The following PDE1C variants were observed in gnomAD, a reference collection of about 807,000 sequenced individuals.
PDE1C encodes dual specificity calcium/calmodulin-dependent 3',5'-cyclic nucleotide phosphodiesterase 1C.
PDE1C carries 62 observed loss-of-function variants against 93.1 expected under a neutral mutation model. That is an observed-to-expected ratio of 0.67 (90% CI 0.54 to 0.82). The LOEUF (loss-of-function observed/expected upper bound fraction) is 0.82, where lower values mean the gene tolerates loss of function less well. PDE1C is among the 40% of genes least tolerant of loss of function. The probability of loss-of-function intolerance (pLI) is 0.00; values close to 1 mark genes in which losing one functional copy is unlikely to be tolerated. For missense variants in PDE1C, 742 were observed against 884.6 expected, an observed-to-expected ratio of 0.84 and a Z score of 2.04; for synonymous variants, 325 against 310.1, an observed-to-expected ratio of 1.05 and a Z score of -0.50.
intron 1 of PDE1C, among the ~76,000 whole-genome samples, chr7:32,397,014 G>A (rs889253192): frequency 4.3e-4 from 66 of 152,038 alleles, no homozygotes; most frequent in African/African-American, 1.5e-3. Context: ...ATTAAAAAAC[G>A]AAACCAAATA....
At chr7:31,983,799 T>C (rs892163662) in intron 2 of PDE1C, among the ~76,000 whole-genome samples, 2 of 152,138 alleles carry the variant, frequency 1.3e-5, no homozygotes, top group Non-Finnish European at 2.9e-5. Context: ...ACTTCACTTA[T>C]TTGTAAAACC....
chr7:32,038,998 G>A (rs1269375726), intron 2 of PDE1C, among the ~76,000 whole-genome samples: 1 of 152,158 alleles, frequency 6.6e-6, no homozygotes, highest in Non-Finnish European at 1.5e-5. Flanking sequence ...ACAGGTGAAA[G>A]TATGAAGTTA....
intron 3 of PDE1C, among the ~76,000 whole-genome samples, chr7:32,114,424 G>C (rs1563324511): frequency 6.6e-6 from 1 of 152,152 alleles, no homozygotes; most frequent in African/African-American, 2.4e-5. Flanking sequence ...GCCATATGCA[G>C]AAAACTGAAA....
In PDE1C at chr7:31,753,145, T is replaced by A; in HGVS notation, c.*239A>T. On this transcript the variant is annotated 3_prime_UTR_variant, in exon 18 of 18. Transcript: ENST00000396191. ...GAGACTTATACCATAAAAACACCCC[T>A]CTTGCTAGTTTGTTGCTGGCGTCTG... The A allele has an allele frequency of 3.2e-6, 1 of 315,678 alleles. No individual in the cohort carries two copies. The highest frequency in any genetic ancestry group is 5.7e-6 in the Non-Finnish European group (1 of 174,852). 19.6% of individuals were successfully genotyped at this position (315,678 alleles called of 1,614,324 possible). A position where few individuals can be genotyped will look rare whatever the true frequency, so the allele number is the denominator to read the frequency against.
chr7:31,642,712 G>A, the PDE1C span: 1 of 1,613,932 alleles, frequency 6.2e-7, no homozygotes, highest in Non-Finnish European at 8.5e-7. Context: ...CCAGAGTCCT[G>A]CTGAGAATGG....
chr7:32,281,130 T>A (rs1811603982), intron 1 of PDE1C, among the ~76,000 whole-genome samples: 1 of 152,160 alleles, frequency 6.6e-6, no homozygotes, highest in Admixed American at 6.5e-5. Context: ...AATCTCTACC[T>A]TATTACAAAA....
At chr7:32,269,925 C>G (rs545893190) in intron 1 of PDE1C, among the ~76,000 whole-genome samples, 1 of 152,192 alleles carries the variant, frequency 6.6e-6, no homozygotes, top group African/African-American at 2.4e-5. Context: ...ATGCATGCAA[C>G]ACCATGTCTG....
At chr7:31,899,884 G>C (rs781604689) in intron 2 of PDE1C, among the ~76,000 whole-genome samples, 1 of 152,136 alleles carries the variant, frequency 6.6e-6, no homozygotes, top group Non-Finnish European at 1.5e-5. Flanking sequence ...AATTAGCAAT[G>C]TCTGAAGACA....
At chr7:31,867,909 T>A (rs1174565030) in intron 6 of PDE1C, among the ~76,000 whole-genome samples, 1 of 152,164 alleles carries the variant, frequency 6.6e-6, no homozygotes, top group African/African-American at 2.4e-5. Context: ...CACTCTAAGC[T>A]ACTGAAGAAA....
chr7:32,221,349 G>T (rs988059431), intron 1 of PDE1C, among the ~76,000 whole-genome samples: 2 of 152,172 alleles, frequency 1.3e-5, no homozygotes, highest in Non-Finnish European at 1.5e-5. Context: ...TTGATTCTTG[G>T]GAGAAGTGGA....
chr7:32,100,235 G>A (rs1334239234), intron 3 of PDE1C, among the ~76,000 whole-genome samples: 1 of 152,084 alleles, frequency 6.6e-6, no homozygotes, highest in East Asian at 1.9e-4. Flanking sequence ...CAAACTCCAG[G>A]CTGTTTTACT....
chr7:32,336,074 G>A (rs182519708), intron 1 of PDE1C, among the ~76,000 whole-genome samples: 2 of 152,238 alleles, frequency 1.3e-5, no homozygotes, highest in Admixed American at 6.5e-5. Flanking sequence ...TAATTCATCA[G>A]GGGGCACAGT....
At chr7:32,334,489 G>A (rs1783575441) in intron 1 of PDE1C, among the ~76,000 whole-genome samples, 1 of 152,088 alleles carries the variant, frequency 6.6e-6, no homozygotes, top group Non-Finnish European at 1.5e-5. Context: ...GGTTACATGA[G>A]TAAGTTCTCT....
chr7:31,765,386 T>C (rs1353023003), intron 17 of PDE1C, among the ~76,000 whole-genome samples: 1 of 152,222 alleles, frequency 6.6e-6, no homozygotes, highest in African/African-American at 2.4e-5. Flanking sequence ...TCATTTTGTT[T>C]GTCTTGGCAT....
At chr7:32,353,768 T>C (rs951479910) in intron 1 of PDE1C, among the ~76,000 whole-genome samples, 1 of 152,172 alleles carries the variant, frequency 6.6e-6, no homozygotes, top group African/African-American at 2.4e-5. Flanking sequence ...TATGAAATGA[T>C]ATAGAAGAAG....
chr7:32,119,771 C>T (rs1799193961), intron 3 of PDE1C, among the ~76,000 whole-genome samples: 1 of 152,198 alleles, frequency 6.6e-6, no homozygotes, highest in Non-Finnish European at 1.5e-5. Flanking sequence ...CAGAAGATCC[C>T]ACTCAGGGAC....
intron 1 of PDE1C, among the ~76,000 whole-genome samples, chr7:32,415,765 G>A (rs988262630): frequency 2.0e-5 from 3 of 152,196 alleles, no homozygotes; most frequent in African/African-American, 7.2e-5. Context: ...CACAATTAGT[G>A]TGGCTGTGGA....
At chr7:32,302,643 G>A (rs1812907731), upstream of PDE1C, among the ~76,000 whole-genome samples, 3 of 152,176 alleles carry the variant, frequency 2.0e-5, no homozygotes, top group Admixed American at 2.0e-4. Flanking sequence ...ATAAGAGAAA[G>A]GATATTAATG....
chr7:31,927,855 A>T (rs1260146066), intron 2 of PDE1C, among the ~76,000 whole-genome samples: 1 of 152,212 alleles, frequency 6.6e-6, no homozygotes, highest in African/African-American at 2.4e-5. Flanking sequence ...AAATGCTGAA[A>T]ATTCCAAAAA....
Sources: allele counts gnomAD v4.1 joint callset (sites outside exome capture counted in the v4.1 genomes callset), GRCh38; gene constraint gnomAD v4.1.1; transcripts MANE v1.5; gene names NCBI Gene and HGNC (gene_info 2026-07-23, HGNC 2026-07-21).